The following RAP1GAP2 variants were observed in gnomAD, a reference collection of about 807,000 sequenced individuals.
The protein encoded by RAP1GAP2 is rap1 GTPase-activating protein 2.
A neutral mutation model predicts 95.0 loss-of-function variants in RAP1GAP2; 27 were observed. The observed-to-expected ratio is 0.28, with a 90% CI of 0.21 to 0.39. The LOEUF is 0.39. Ranked by LOEUF, RAP1GAP2 falls within the 10% of genes least tolerant of loss-of-function variation. RAP1GAP2 has a pLI of 1.00. For synonymous variants in RAP1GAP2, 373 were observed against 380.9 expected (o/e 0.98, Z 0.24); for missense variants, 771 against 970.0 (o/e 0.79, Z 2.72).
intron 2 of RAP1GAP2, among the ~76,000 whole-genome samples, chr17:2,883,443 C>G (rs1380162711): frequency 6.6e-6 from 1 of 152,210 alleles, no homozygotes; most frequent in Non-Finnish European, 1.5e-5. Context: ...GGCACCTTCC[C>G]CAGCCGGGCA....
rs144122574 is a variant in RAP1GAP2, at chr17:2,931,228, G to A, written c.165+25860G>A. Among the ~76,000 whole-genome samples the A allele has an allele frequency of 1.3e-3, 193 of 151,926 alleles. 1 individual carries two copies. Among genetic ancestry groups the A allele is most frequent in the African/African-American group, 4.2e-3 (172 of 41,384 alleles). ...GGTCATGGTCCCCACCTTTTGGGCT[G>A]ATAAACCTGGCTGAGGGCTAGGCGT... On this transcript the variant is annotated intron_variant, in intron 3 of 24. Transcript: ENST00000254695.
intron 2 of RAP1GAP2, among the ~76,000 whole-genome samples, chr17:2,889,226 G>C (rs2073606496): frequency 6.6e-6 from 1 of 152,170 alleles, no homozygotes; most frequent in Non-Finnish European, 1.5e-5. Flanking sequence ...TGAGCAGGGA[G>C]ATGAGGTCAA....
At chr17:2,814,822 C>G (rs766651908) in intron 2 of RAP1GAP2, among the ~76,000 whole-genome samples, 12 of 152,142 alleles carry the variant, frequency 7.9e-5, no homozygotes, top group Admixed American at 5.9e-4. Flanking sequence ...ACATAACTGA[C>G]TTTTGTAGCC....
In RAP1GAP2 at chr17:2,904,949, T is replaced by G. The variant is rs1262213314; in HGVS notation, c.81-335T>G. On this transcript the variant is annotated intron_variant, in intron 2 of 24. Coordinates refer to ENST00000254695, the MANE Select transcript of RAP1GAP2 (RefSeq NM_015085.5). The surrounding 1 kb of genome is among the most constrained non-coding windows in gnomAD (Gnocchi z 4.7). ...CAGGCTGGAGTGCAGTGGCGCCATCTTGGCTCACTGCAACCTCCACCTCCC... is the reference window on the plus strand; with the variant it reads ...CAGGCTGGAGTGCAGTGGCGCCATCGTGGCTCACTGCAACCTCCACCTCCC... 6.6e-6 allele frequency among the ~76,000 whole-genome samples: 1 copy of G among 152,184 alleles called. No homozygotes were observed. The highest frequency in any genetic ancestry group is 1.9e-4 in the East Asian group (1 of 5,190).
At chr17:2,939,900 A>G (rs1000604511) in intron 3 of RAP1GAP2, among the ~76,000 whole-genome samples, 2 of 152,258 alleles carry the variant, frequency 1.3e-5, no homozygotes, top group African/African-American at 2.4e-5. Context: ...AGCGTGGACT[A>G]ACAGCTTCGG....
intron 3 of RAP1GAP2, among the ~76,000 whole-genome samples, chr17:2,935,594 C>T (rs975416770): frequency 7.9e-5 from 12 of 152,190 alleles, no homozygotes; most frequent in Non-Finnish European, 1.3e-4. Context: ...GTCACCCCCC[C>T]GCCCCCATCC....
rs780697819 is a variant in RAP1GAP2, at chr17:2,975,636, AC to A, written c.597-4650del. ...TGGGCGTGTTTGGGAGCAGGAACTC[AC>A]GTGTGTAGCTGTGTTCCTTCCCCCT... On this transcript the variant is annotated intron_variant, in intron 8 of 24. Transcript: ENST00000254695. Among the ~76,000 whole-genome samples, 17 of 152,340 alleles carry A rather than the reference AC, an allele frequency of 1.1e-4. 2 individuals are homozygous for A. Among genetic ancestry groups the A allele is most frequent in the Admixed American group, 2.0e-4 (3 of 15,302 alleles).
chr17:2,995,613 G>A (rs991626538), intron 13 of RAP1GAP2, 147 bp downstream of exon 13: 15 of 1,179,656 alleles, frequency 1.3e-5, no homozygotes, highest in East Asian at 1.1e-4. Context: ...GTCACAGTCC[G>A]TTCTGCTGTG....
At position 2,761,979 on chromosome 17, in the gene RAP1GAP2, C is replaced by CTTT. The variant is rs901487276; in HGVS notation, c.50+6237_50+6239dup. 5.3e-4 allele frequency among the ~76,000 whole-genome samples: 41 copies of CTTT among 77,752 alleles called. 2 individuals carry two copies. The highest frequency in any genetic ancestry group is 3.5e-3 in the South Asian group (6 of 1,706). The allele number at this position is 77,752 out of a possible 152,430, so 51.0% of individuals were successfully genotyped here. On this transcript the variant is annotated intron_variant, in intron 1 of 25. Coordinates refer to the RAP1GAP2 transcript ENST00000637138. ...ATGTAGTTATTGTCCGTTTATATAT[C>CTTT]TTTTTTTTTTTTTTTTTTTTTTTTT...
At position 3,033,278 on chromosome 17, in the gene RAP1GAP2, T is replaced by C. The variant is rs922730751; in HGVS notation, c.*31-114T>C. On this transcript the variant is annotated intron_variant, in intron 24 of 24. Transcript: ENST00000254695. This position sits in a 1 kb window ranked among gnomAD's most constrained non-coding sequence, Gnocchi z 4.9. ...CCCTCCTGCTCCTGAGTGTATCCAG[T>C]GAGCTGTAGCCATGGGCAGGCGTGT... is the stretch of plus-strand genomic sequence containing the variant. 6.6e-6 allele frequency: 1 copy of C among 152,658 alleles called. No homozygotes were observed. The highest frequency in any genetic ancestry group is 6.5e-5 in the Admixed American group (1 of 15,288). 9.5% of individuals were successfully genotyped at this position (152,658 alleles called of 1,614,324 possible). A position where few individuals can be genotyped will look rare whatever the true frequency, so the allele number is the denominator to read the frequency against.
chr17:2,927,623 A>T (rs2043012928), intron 3 of RAP1GAP2, among the ~76,000 whole-genome samples: 1 of 152,138 alleles, frequency 6.6e-6, no homozygotes, highest in Admixed American at 6.5e-5. Flanking sequence ...TTGCCGTGTA[A>T]CCTCACACAT....
intron 3 of RAP1GAP2, among the ~76,000 whole-genome samples, chr17:2,924,882 G>A (rs768474729): frequency 6.6e-6 from 1 of 152,076 alleles, no homozygotes; most frequent in Non-Finnish European, 1.5e-5. Flanking sequence ...TCTTTCCTCC[G>A]GGGGGCTAGT....
chr17:2,763,596 T>A (rs1173971812), intron 1 of RAP1GAP2, among the ~76,000 whole-genome samples: 1 of 151,994 alleles, frequency 6.6e-6, no homozygotes, highest in Non-Finnish European at 1.5e-5. Flanking sequence ...CTAGGGAGGC[T>A]GAGGCAGGAG....
chr17:2,920,010 CTTTTTTTT>C, intron 3 of RAP1GAP2, among the ~76,000 whole-genome samples: 1 of 116,978 alleles, frequency 8.5e-6, no homozygotes, highest in East Asian at 3.3e-4. Context: ...CTCCTTTTTT[CTTTTTTTT>C]TTTTTTTTGA....
chr17:2,949,784 T>C (rs2043847041), intron 3 of RAP1GAP2, among the ~76,000 whole-genome samples: 1 of 152,230 alleles, frequency 6.6e-6, no homozygotes, highest in African/African-American at 2.4e-5. Context: ...CCGGCTGGCC[T>C]GAGTCACGCT....
rs1200457842 is a variant in RAP1GAP2 at position 2,832,448 on chromosome 17, C to T, written c.80+31898C>T. Reference sequence around the variant, plus strand: ...TGGCGGGCACCTGTAGTCCCAGCTACTCGGGAGGCTGAGGCAGGAGAATGG... The same window carrying T: ...TGGCGGGCACCTGTAGTCCCAGCTATTCGGGAGGCTGAGGCAGGAGAATGG... On this transcript the variant is annotated intron_variant, in intron 2 of 24. Transcript: ENST00000254695. 1.0e-4 allele frequency among the ~76,000 whole-genome samples: 15 copies of T among 148,434 alleles called. No individual in the cohort carries two copies. The East Asian group carries it at 2.8e-3, about 28-fold the overall frequency.
chr17:2,822,939 C>T (rs2070374589), intron 2 of RAP1GAP2, among the ~76,000 whole-genome samples: 1 of 152,050 alleles, frequency 6.6e-6, no homozygotes, highest in African/African-American at 2.4e-5. Context: ...ATGGTGAAAC[C>T]CTGTCTCTAC....
At chr17:3,015,596 A>G (rs1395354700) in intron 17 of RAP1GAP2, among the ~76,000 whole-genome samples, 1 of 152,120 alleles carries the variant, frequency 6.6e-6, no homozygotes, top group Non-Finnish European at 1.5e-5. Context: ...AGGCAGGTGG[A>G]TCACGAGGTC....
chr17:3,007,130 C>G (rs1384721003), intron 16 of RAP1GAP2, among the ~76,000 whole-genome samples: 1 of 152,096 alleles, frequency 6.6e-6, no homozygotes, highest in Admixed American at 6.6e-5. Flanking sequence ...CAGGAGGGAG[C>G]TCCTGAGGGT....
Sources: gnomAD v4.1 joint callset for allele counts (sites outside exome capture counted in the v4.1 genomes callset) on GRCh38, gnomAD v4.1.1 for gene constraint, Gnocchi (gnomAD v3.1) non-coding constraint, MANE v1.5 for transcripts, NCBI Gene and HGNC (gene_info 2026-07-23, HGNC 2026-07-21) for gene names.